LTBP1: variants seen among roughly 807,000 people sequenced by gnomAD.
LTBP1 encodes latent transforming growth factor beta binding protein 1, also known as latent-transforming growth factor beta-binding protein 1.
Under a neutral mutation model 207.6 loss-of-function variants are expected in LTBP1, and 129 were observed. The ratio of observed to expected loss-of-function variants is 0.62; its 90% CI spans 0.54 to 0.72. The LOEUF (loss-of-function observed/expected upper bound fraction) is 0.72, where lower values mean the gene tolerates loss of function less well. Ranked by LOEUF, LTBP1 falls within the 30% of genes least tolerant of loss-of-function variation. The pLI is 0.00. For synonymous variants in LTBP1, 963 were observed against 833.7 expected (o/e 1.16, Z -2.67); for missense variants, 2,281 against 2,217.2 (o/e 1.03, Z -0.58).
At chr2:33,069,077 A>C (rs1335764849) in intron 3 of LTBP1, among the ~76,000 whole-genome samples, 2 of 152,226 alleles carry the variant, frequency 1.3e-5, no homozygotes, top group Admixed American at 1.3e-4. Context: ...CCGGAAGTTA[A>C]GCTTACTTAA....
At chr2:33,312,614 A>G (rs867206602) in intron 23 of LTBP1, among the ~76,000 whole-genome samples, 2 of 152,164 alleles carry the variant, frequency 1.3e-5, no homozygotes, top group Non-Finnish European at 2.9e-5. Flanking sequence ...AATAAGTACA[A>G]TCCAAATTGA....
chr2:33,194,262 G>A (rs1191904417), intron 7 of LTBP1, among the ~76,000 whole-genome samples: 1 of 152,086 alleles, frequency 6.6e-6, no homozygotes, highest in Non-Finnish European at 1.5e-5. Context: ...TGGGGTTACA[G>A]ACGTGAGCCA....
Position 33,021,027 on chromosome 2 carries a change from A to T in LTBP1, c.684A>T (p.Ser228=). The T allele has an allele frequency of 6.2e-7, 1 of 1,614,058 alleles. No individual in the cohort carries two copies. The highest frequency in any genetic ancestry group is 8.5e-7 in the Non-Finnish European group (1 of 1,179,980). ...CETIAAQDTS[S]PVFGGQSPGA... ...CAATAGCTGCCCAGGACACCTCGTC[A>T]CCAGTCTTTGGAGGGCAGAGTCCTG... The change falls in exon 3 of 34, where the codon TCA becomes TCT. Residue 228 remains serine, a synonymous_variant. Coordinates refer to ENST00000404816, the MANE Select transcript of LTBP1 (RefSeq NM_206943.4).
At chr2:33,284,961 A>G (rs1026119540) in intron 19 of LTBP1, among the ~76,000 whole-genome samples, 2 of 151,142 alleles carry the variant, frequency 1.3e-5, no homozygotes, top group African/African-American at 2.4e-5. Flanking sequence ...ACCCTCCTCT[A>G]TACTGCTCTT....
At chr2:33,026,131 A>T (rs531848545) in intron 3 of LTBP1, among the ~76,000 whole-genome samples, 4 of 152,152 alleles carry the variant, frequency 2.6e-5, no homozygotes, top group Non-Finnish European at 5.9e-5. Flanking sequence ...TGCAGTACTG[A>T]TAGTTATTAC....
intron 18 of LTBP1, among the ~76,000 whole-genome samples, chr2:33,279,013 C>T (rs184372890): frequency 2.6e-5 from 4 of 152,250 alleles, no homozygotes; most frequent in Admixed American, 2.6e-4. Context: ...ACATCACATA[C>T]CCATGGATAT....
intron 2 of LTBP1, among the ~76,000 whole-genome samples, chr2:33,005,594 C>CTTTTT (rs57363701): frequency 1.5e-5 from 2 of 132,918 alleles, no homozygotes; most frequent in Admixed American, 7.7e-5. Context: ...TAAGCTCTAC[C>CTTTTT]TTTTTTTTTT....
At chr2:33,221,974 A>G in intron 8 of LTBP1, 106 bp from the exon 9 acceptor site, 1 of 703,804 alleles carries the variant, frequency 1.4e-6, no homozygotes. Flanking sequence ...ATATTAATAA[A>G]TGAATAAGTA....
At chr2:33,269,591 G>A (rs923927689) in intron 15 of LTBP1, among the ~76,000 whole-genome samples, 2 of 152,334 alleles carry the variant, frequency 1.3e-5, no homozygotes, top group East Asian at 1.9e-4. Context: ...AATGAGTGCT[G>A]TCTATGTGAG....
At chr2:33,325,993 G>A (rs141011329) in intron 24 of LTBP1, among the ~76,000 whole-genome samples, 3,516 of 151,810 alleles carry the variant, frequency 0.023, 70 homozygotes, top group Non-Finnish European at 0.037. Context: ...GGAAGAAAAT[G>A]TCTTTAAATT....
intron 10 of LTBP1, among the ~76,000 whole-genome samples, chr2:33,251,539 C>T (rs2092683715): frequency 6.6e-6 from 1 of 151,884 alleles, no homozygotes; most frequent in Non-Finnish European, 1.5e-5. Flanking sequence ...GTAGTGGGTG[C>T]CTGTAGTCCC....
At chr2:33,033,614 C>CTTTTT (rs36113954) in intron 3 of LTBP1, among the ~76,000 whole-genome samples, 3 of 138,174 alleles carry the variant, frequency 2.2e-5, no homozygotes, top group Middle Eastern at 3.8e-3. Context: ...AAAAAAGGGA[C>CTTTTT]TTTTTTTTTT....
In LTBP1 at chr2:33,226,213, C is replaced by A. The variant is rs73924197; in HGVS notation, c.1876+4062C>A. ...ATGGATTTTTTTCTTTCACCTCTGG[C>A]AAATTTCAGTCTGTGTTTTTTTACC... On this transcript the variant is annotated intron_variant, in intron 9 of 33. Transcript: ENST00000404816. Among the ~76,000 whole-genome samples, 1,253 of 152,248 alleles carry A rather than the reference C, an allele frequency of 8.2e-3. 21 individuals are homozygous for A. Among genetic ancestry groups the A allele is most frequent in the African/African-American group, 0.029 (1,190 of 41,542 alleles).
chr2:33,231,374 C>T (rs1007042246), intron 9 of LTBP1, among the ~76,000 whole-genome samples: 2 of 152,130 alleles, frequency 1.3e-5, no homozygotes, highest in African/African-American at 2.4e-5. Context: ...TAAAAAGTTC[C>T]TCGGAGTGCA....
In LTBP1 at chr2:33,217,618, G is replaced by A; in HGVS notation, c.1768G>A (p.Gly590Ser). The change falls in exon 8 of 34, where the codon GGC becomes AGC. Residue 590 changes from glycine (G) to serine (S), a missense_variant. This residue lies in a region of LTBP1 where 1,671 missense variants were observed against 1,634.8 expected (regional missense o/e 1.02). Transcript: ENST00000404816. ...DCCGTVGTSW[G>S]FNKCQKCPKK... is the part of the protein sequence containing the mutation. Reference sequence around the variant, plus strand: ...CTGTGGAACTGTGGGTACCTCCTGGGGCTTTAACAAATGCCAGAAATGCCC... The same window carrying A: ...CTGTGGAACTGTGGGTACCTCCTGGAGCTTTAACAAATGCCAGAAATGCCC... 6.2e-7 allele frequency: 1 copy of A among 1,613,770 alleles called. No homozygotes were observed. Among genetic ancestry groups the A allele is most frequent in the Non-Finnish European group, 8.5e-7 (1 of 1,179,844 alleles).
chr2:33,145,276 A>AG (rs199781163), intron 5 of LTBP1, among the ~76,000 whole-genome samples: 1 of 152,038 alleles, frequency 6.6e-6, no homozygotes, highest in Non-Finnish European at 1.5e-5. Flanking sequence ...AAAAAAAAAA[A>AG]CTTTATGCAA....
intron 5 of LTBP1, among the ~76,000 whole-genome samples, chr2:33,148,250 A>G (rs1480285361): frequency 2.0e-5 from 3 of 152,202 alleles, no homozygotes; most frequent in African/African-American, 7.2e-5. Flanking sequence ...ATATTTGAGG[A>G]TACCATCTTT....
intron 2 of LTBP1, among the ~76,000 whole-genome samples, chr2:32,996,318 A>AG (rs1329240417): frequency 6.6e-6 from 1 of 152,066 alleles, no homozygotes; most frequent in Non-Finnish European, 1.5e-5. Flanking sequence ...GAGTCTCTCT[A>AG]GGACCTCTTT....
chr2:33,321,344 C>T (rs775915677), intron 24 of LTBP1, among the ~76,000 whole-genome samples: 47 of 152,012 alleles, frequency 3.1e-4, no homozygotes, highest in Non-Finnish European at 4.9e-4. Flanking sequence ...AAATGGAAAC[C>T]GGTAAAAATT....
Sources: allele counts gnomAD v4.1 joint callset (sites outside exome capture counted in the v4.1 genomes callset), GRCh38; gene constraint gnomAD v4.1.1; regional missense constraint gnomAD v4.1.1; transcripts MANE v1.5; gene names NCBI Gene and HGNC (gene_info 2026-07-23, HGNC 2026-07-21).